Variants in HMGCS2 observed in about 807,000 individuals in gnomAD.
HMGCS2 encodes the protein 3-hydroxy-3-methylglutaryl-CoA synthase 2.
HMGCS2 carries 50 observed loss-of-function variants against 57.4 expected under a neutral mutation model. The observed-to-expected ratio is 0.87, with a 90% CI of 0.69 to 1.10. HMGCS2 has a LOEUF of 1.10. Among genes scored for constraint, HMGCS2 ranks in the 50% least tolerant of loss-of-function variants. HMGCS2 has a pLI of 0.00. For missense variants in HMGCS2, 627 were observed against 636.5 expected, an observed-to-expected ratio of 0.99 and a Z score of 0.16; for synonymous variants, 254 against 245.1, an observed-to-expected ratio of 1.04 and a Z score of -0.34.
At chr1:119,758,220 G>T (rs1652915651) in intron 4 of HMGCS2, among the ~76,000 whole-genome samples, 1 of 152,220 alleles carries the variant, frequency 6.6e-6, no homozygotes, top group African/African-American at 2.4e-5. Flanking sequence ...AGGTTTAACT[G>T]TATTTTATTT....
At chr1:119,751,529 AT>A (rs1221692842) in intron 8 of HMGCS2, among the ~76,000 whole-genome samples, 2 of 151,186 alleles carry the variant, frequency 1.3e-5, no homozygotes, top group African/African-American at 4.8e-5. Context: ...CACTCGGCTA[AT>A]TTTTACATAA....
intron 3 of HMGCS2, 148 bp downstream of exon 3, chr1:119,759,716 G>T: frequency 1.1e-6 from 1 of 908,650 alleles, no homozygotes; most frequent in Non-Finnish European, 1.8e-6. Flanking sequence ...TCCTCCCTCT[G>T]CTCCATAGAC....
chr1:119,759,882 G>A lies in HMGCS2; in HGVS notation c.667C>T (p.Pro223Ser), dbSNP rs376815328. ...AVAMLIGPKA[P>S]LALERGLRGT... ...TACAAACCTCGCTCCAGGGCCAGAG[G>A]GGCCTTGGGCCCAATCAGCATAGCC... The change falls in exon 3 of 10, where the codon CCT (proline) becomes TCT (serine). Residue 223 changes from proline (P) to serine (S), a missense_variant. By Grantham distance (74) the Pro-to-Ser change is moderately conservative. Coordinates refer to ENST00000369406, the MANE Select transcript of HMGCS2 (RefSeq NM_005518.4). 2 of 1,614,054 alleles carry A rather than the reference G, an allele frequency of 1.2e-6. No homozygotes were observed. The highest frequency in any genetic ancestry group is 2.7e-5 in the African/African-American group (2 of 74,932).
chr1:119,754,539 C>A (rs1652770551), intron 6 of HMGCS2, among the ~76,000 whole-genome samples: 1 of 152,140 alleles, frequency 6.6e-6, no homozygotes. Flanking sequence ...ATAAAACCCA[C>A]AAAACAGAAA....
chr1:119,755,670 A>G (rs1652813680), intron 5 of HMGCS2, 73 bp from the exon 6 acceptor site: 4 of 1,400,100 alleles, frequency 2.9e-6, no homozygotes, highest in Non-Finnish European at 4.1e-6. Flanking sequence ...GAAAAGTAAC[A>G]GCTTCTGGAG....
chr1:119,766,370 A>G (rs942924385), intron 1 of HMGCS2, among the ~76,000 whole-genome samples: 1 of 152,122 alleles, frequency 6.6e-6, no homozygotes, highest in Non-Finnish European at 1.5e-5. Flanking sequence ...GCTCCATTCT[A>G]CGGGAGCTGG....
chr1:119,750,031 G>T (rs962168623), intron 9 of HMGCS2, among the ~76,000 whole-genome samples: 2 of 151,792 alleles, frequency 1.3e-5, no homozygotes, highest in African/African-American at 4.8e-5. Flanking sequence ...TCCTGTCACC[G>T]CAATCCTCTT....
intron 1 of HMGCS2, 119 bp from the exon 2 acceptor site, chr1:119,764,745 A>T: frequency 1.3e-6 from 1 of 786,068 alleles, no homozygotes. Context: ...TTATCAGATG[A>T]CTACAAATTT....
At position 119,751,522 on chromosome 1, in the gene HMGCS2, T is replaced by G. The variant is rs1026155510; in HGVS notation, c.1421-614A>C. Among the ~76,000 whole-genome samples, 3 of 151,616 alleles carry G rather than the reference T, an allele frequency of 2.0e-5. No homozygotes were observed. The East Asian group carries it at 5.8e-4, about 29-fold the overall frequency. On this transcript the variant is annotated intron_variant, in intron 8 of 9. Transcript: ENST00000369406. ...AGATTAGAGGTGTGTGCCACCACAC[T>G]CGGCTAATTTTTACATAATTTTATT...
chr1:119,750,265 C>A (rs1376422578), intron 9 of HMGCS2, among the ~76,000 whole-genome samples: 2 of 152,222 alleles, frequency 1.3e-5, no homozygotes, highest in African/African-American at 4.8e-5. Context: ...TGGGGCTGTT[C>A]ATCTTGGTTG....
chr1:119,759,839 C>A, intron 3 of HMGCS2, 25 bp downstream of exon 3: 1 of 1,613,682 alleles, frequency 6.2e-7, no homozygotes, highest in African/African-American at 1.3e-5. Flanking sequence ...CATGCACAGC[C>A]TCTTGGTAAT....
intron 2 of HMGCS2, among the ~76,000 whole-genome samples, chr1:119,762,600 AAT>A (rs1653085845): frequency 6.6e-6 from 1 of 152,080 alleles, no homozygotes. Context: ...TCCCCAGATG[AAT>A]GACTGGCTAG....
chr1:119,751,416 G>C (rs1156659215), intron 8 of HMGCS2, among the ~76,000 whole-genome samples: 1 of 149,636 alleles, frequency 6.7e-6, no homozygotes, highest in African/African-American at 2.5e-5. Flanking sequence ...ACCCAGGCTA[G>C]AGTGTGGTGG....
rs764746833 is a variant in HMGCS2 at position 119,766,632 on chromosome 1, G to A, written c.105-2006C>T. On this transcript the variant is annotated intron_variant, in intron 1 of 9. Transcript: ENST00000369406. ...GGAGTTTGTACTCTCAAATATTTAC[G>A]GAGGAGCTTCCCCAGTACCCGGGAG... 1.2e-4 allele frequency among the ~76,000 whole-genome samples: 19 copies of A among 152,278 alleles called. 1 individual carries two copies. Among genetic ancestry groups the A allele is most frequent in the Admixed American group, 6.5e-4 (10 of 15,306 alleles).
chr1:119,751,048 C>T (rs1355374341), intron 8 of HMGCS2, 140 bp from the exon 9 acceptor site: 1 of 685,816 alleles, frequency 1.5e-6, no homozygotes, highest in Non-Finnish European at 2.7e-6. Flanking sequence ...CACCCTTAGT[C>T]CACCAAATAG....
At position 119,752,658 on chromosome 1, in the gene HMGCS2, C is replaced by T. The variant is rs111284724; in HGVS notation, c.1311G>A (p.Lys437=). The T allele has an allele frequency of 4.6e-5, 75 of 1,614,110 alleles. No homozygotes were observed. The African/African-American group carries it at 8.1e-4, about 17-fold the overall frequency. ...GCAGGTCTGATGTGCTGGACACCAA[C>T]TTGTCCAGGGGAGAGCCTGGGAAGC... The part of the protein sequence containing the change: ...QDAAPGSPLD[K]LVSSTSDLPK... Residue 437 remains lysine (K), a synonymous_variant, in exon 8 of 10, where the codon AAG becomes AAA. Coordinates refer to ENST00000369406, the MANE Select transcript of HMGCS2 (RefSeq NM_005518.4).
At chr1:119,751,332 C>T (rs1218464891) in intron 8 of HMGCS2, among the ~76,000 whole-genome samples, 2 of 150,948 alleles carry the variant, frequency 1.3e-5, no homozygotes, top group African/African-American at 4.9e-5. Context: ...TGTCCGTTAA[C>T]GTTTGTCTCA....
rs1367180826 is a variant in HMGCS2 at position 119,757,360 on chromosome 1, T to C, written c.929A>G (p.Lys310Arg). ...ATTGAACATCAGGCGAGCCAGAGAC[T>C]TCTGGACCATCTTGCAAAAGGGTGT... is the stretch of plus-strand genomic sequence containing the variant. ...FHTPFCKMVQ[K>R]SLARLMFNDF... Residue 310 changes from lysine to arginine, a missense_variant, in exon 5 of 10, where the codon AAG (lysine) becomes AGG (arginine). Transcript: ENST00000369406. 5.0e-6 allele frequency: 8 copies of C among 1,614,178 alleles called. No homozygotes were observed. The South Asian group carries it at 8.8e-5, about 18-fold the overall frequency.
chr1:119,752,072 A>T (rs1168457239), intron 8 of HMGCS2, among the ~76,000 whole-genome samples: 1 of 152,182 alleles, frequency 6.6e-6, no homozygotes, highest in Non-Finnish European at 1.5e-5. Context: ...TGTCGATAAC[A>T]TATTTATATA....
Sources: allele counts gnomAD v4.1 joint callset (sites outside exome capture counted in the v4.1 genomes callset), GRCh38; gene constraint gnomAD v4.1.1; transcripts MANE v1.5; gene names NCBI Gene and HGNC (gene_info 2026-07-23, HGNC 2026-07-21).